The following TRAP1 variants were observed in gnomAD, a reference collection of about 807,000 sequenced individuals.
TRAP1 encodes heat shock protein 75 kDa, mitochondrial.
In TRAP1, 102 loss-of-function variants were observed where a neutral mutation model predicts 89.1. That is an observed-to-expected ratio of 1.15 (90% CI 0.98 to 1.35). The LOEUF (loss-of-function observed/expected upper bound fraction) is 1.35, where lower values mean the gene tolerates loss of function less well. TRAP1 is among the 40% of genes most tolerant of loss of function. The pLI, the probability that TRAP1 is intolerant of heterozygous loss-of-function variation, is 0.00. For missense variants in TRAP1, 1,256 were observed against 945.3 expected (o/e 1.33, Z -4.31); for synonymous variants, 508 against 388.0 (o/e 1.31, Z -3.64).
intron 12 of TRAP1, 130 bp downstream of exon 12, chr16:3,665,841 G>C: frequency 8.3e-7 from 1 of 1,199,998 alleles, no homozygotes; most frequent in Admixed American, 2.9e-5. Flanking sequence ...CCTGACCCTG[G>C]TGGCAGCAGC....
At position 3,675,449 on chromosome 16, in the gene TRAP1, G is replaced by A. The variant is rs755455343; in HGVS notation, c.815-52C>T. On this transcript the variant is annotated intron_variant, in intron 7 of 17. Coordinates refer to ENST00000246957, the MANE Select transcript of TRAP1 (RefSeq NM_016292.3). ...CTGCATCTACAATGCTTGTGGAAACGCAAGCTTTGCAGCAGCTCCAGGATG... is the reference window on the plus strand; with the variant it reads ...CTGCATCTACAATGCTTGTGGAAACACAAGCTTTGCAGCAGCTCCAGGATG... The A allele has an allele frequency of 2.2e-5, 34 of 1,560,198 alleles. 1 individual carries two copies. The South Asian group carries it at 2.3e-4, about 11-fold the overall frequency.
At chr16:3,661,873 A>G (rs982102020) in intron 16 of TRAP1, 114 bp downstream of exon 16, 2 of 1,344,596 alleles carry the variant, frequency 1.5e-6, no homozygotes, top group South Asian at 1.6e-5. Flanking sequence ...AGTTACCCAC[A>G]TGTCCACAGG....
rs2151254415 is a variant in TRAP1, at chr16:3,674,392, A to AGG, written c.990_991insCC (p.Tyr331ProfsTer19). On this transcript the variant is annotated frameshift_variant, in exon 9 of 18. Transcript: ENST00000246957. LOFTEE classifies it high-confidence loss of function. The stretch of plus-strand genomic sequence containing the variant: ...ATGTTGAGCGGTGCGTCCGTCTTAT[A>AGG]GTGCAGGGTGTAGCGGGGCTTGTCG... 2.5e-6 allele frequency: 4 copies of AGG among 1,614,122 alleles called. No homozygotes were observed. The South Asian group carries it at 4.4e-5, about 18-fold the overall frequency.
At chr16:3,716,229 C>T (rs1447586881) in intron 1 of TRAP1, among the ~76,000 whole-genome samples, 4 of 152,196 alleles carry the variant, frequency 2.6e-5, no homozygotes, top group African/African-American at 9.6e-5. Flanking sequence ...TTGGAATAGG[C>T]AGTCTTGATG....
At chr16:3,679,036 G>T (rs1023151229) in intron 5 of TRAP1, among the ~76,000 whole-genome samples, 4 of 152,304 alleles carry the variant, frequency 2.6e-5, no homozygotes, top group Admixed American at 2.6e-4. Flanking sequence ...TGCTCTGTGG[G>T]TCTGGGCATA....
intron 1 of TRAP1, chr16:3,710,531 G>A (rs999840986): frequency 2.0e-5 from 3 of 152,160 alleles, no homozygotes; most frequent in Non-Finnish European, 2.9e-5. Context: ...GTTCAGTCAT[G>A]GGCCATCAAA....
At position 3,688,473 on chromosome 16, in the gene TRAP1, C is replaced by T. The variant is rs75099913; in HGVS notation, c.330+582G>A. ...AGAGACGGAATTCAGCAGAGCTGCACGCTAGGATTTGGGGGACTTTTTTTT... is the reference window on the plus strand; with the variant it reads ...AGAGACGGAATTCAGCAGAGCTGCATGCTAGGATTTGGGGGACTTTTTTTT... On this transcript the variant is annotated intron_variant, in intron 3 of 17. Transcript: ENST00000246957. Among the ~76,000 whole-genome samples, 596 of 152,128 alleles carry T rather than the reference C, an allele frequency of 3.9e-3. 4 individuals carry two copies. Among genetic ancestry groups the T allele is most frequent in the African/African-American group, 0.013 (556 of 41,504 alleles).
chr16:3,691,109 G>A, intron 1 of TRAP1, 124 bp from the exon 2 acceptor site: 1 of 944,392 alleles, frequency 1.1e-6, no homozygotes, highest in Non-Finnish European at 1.4e-6. Flanking sequence ...GGCTGTTGCT[G>A]AAAGAGAAAT....
At chr16:3,705,812 T>G (rs2051434877) in intron 1 of TRAP1, among the ~76,000 whole-genome samples, 1 of 151,966 alleles carries the variant, frequency 6.6e-6, no homozygotes, top group South Asian at 2.1e-4. Context: ...CCCGAGTAGC[T>G]GAGATTACAG....
chr16:3,688,254 G>C (rs1306983679), intron 3 of TRAP1, among the ~76,000 whole-genome samples: 6 of 151,674 alleles, frequency 4.0e-5, no homozygotes, highest in African/African-American at 1.5e-4. Flanking sequence ...TCCTACCTTG[G>C]CCTCCTAAAG....
intron 6 of TRAP1, among the ~76,000 whole-genome samples, chr16:3,677,182 G>A (rs751350640): frequency 2.6e-4 from 40 of 152,112 alleles, no homozygotes; most frequent in Non-Finnish European, 4.0e-4. Flanking sequence ...GCAGAAGGTC[G>A]GTCACAGGAG....
At chr16:3,709,628 C>G (rs1365424268) in intron 1 of TRAP1, among the ~76,000 whole-genome samples, 1 of 151,032 alleles carries the variant, frequency 6.6e-6, no homozygotes, top group African/African-American at 2.5e-5. Context: ...CGGTTCCTTC[C>G]CAGTTTACCT....
rs376428635 is a variant in TRAP1, at chr16:3,665,927, G to C, written c.1383+44C>G. 6 of 1,591,652 alleles carry C rather than the reference G, an allele frequency of 3.8e-6. No homozygotes were observed. The African/African-American group carries it at 6.8e-5, about 18-fold the overall frequency. ...CCACCAGCTTCCTCAGCAGCCCCAGGGACAAGGTGGCCCAGAAAAAGGCCT... is the reference window on the plus strand; with the variant it reads ...CCACCAGCTTCCTCAGCAGCCCCAGCGACAAGGTGGCCCAGAAAAAGGCCT... On this transcript the variant is annotated intron_variant, in intron 12 of 17. Coordinates refer to ENST00000246957, the MANE Select transcript of TRAP1 (RefSeq NM_016292.3).
At chr16:3,691,375 C>A (rs1393899629) in intron 1 of TRAP1, among the ~76,000 whole-genome samples, 1 of 152,172 alleles carries the variant, frequency 6.6e-6, no homozygotes, top group African/African-American at 2.4e-5. Context: ...GACCACCATG[C>A]CCCCATAATT....
intron 1 of TRAP1, among the ~76,000 whole-genome samples, chr16:3,710,007 T>C (rs931176582): frequency 2.6e-5 from 4 of 152,228 alleles, no homozygotes; most frequent in African/African-American, 9.6e-5. Context: ...CCCTCACAAA[T>C]GTCTGAGTTC....
At chr16:3,672,678 T>C (rs1454611299) in intron 10 of TRAP1, 22 bp downstream of exon 10, 8 of 1,599,364 alleles carry the variant, frequency 5.0e-6, no homozygotes, top group Non-Finnish European at 6.0e-6. Context: ...GGGGCACTGC[T>C]CACGGACTCT....
intron 10 of TRAP1, among the ~76,000 whole-genome samples, chr16:3,672,409 A>T (rs541731316): frequency 2.0e-5 from 3 of 152,106 alleles, no homozygotes; most frequent in African/African-American, 4.8e-5. Context: ...CTTAAACTAT[A>T]ATCTCACTCA....
In TRAP1 at chr16:3,686,219, C is replaced by G. The variant is rs1596727724; in HGVS notation, c.331-83G>C. The G allele has an allele frequency of 6.0e-6, 9 of 1,487,648 alleles. No individual in the cohort carries two copies. The East Asian group carries it at 2.1e-4, about 34-fold the overall frequency. 92.2% of individuals were successfully genotyped at this position (1,487,648 alleles called of 1,614,324 possible). On this transcript the variant is annotated intron_variant, in intron 3 of 17. Transcript: ENST00000246957. The stretch of plus-strand genomic sequence containing the variant: ...ATCTGGTCAGCTGCACTTCCAATAA[C>G]TGTTAAAAGGTAGAGGAGAATAGTC...
intron 4 of TRAP1, among the ~76,000 whole-genome samples, chr16:3,682,538 CGCTGCCA>C (rs2051086350): frequency 6.6e-6 from 1 of 152,074 alleles, no homozygotes; most frequent in African/African-American, 2.4e-5. Context: ...TACCGGCACA[CGCTGCCA>C]CACCCAGCTA....
Sources: gnomAD v4.1 joint callset for allele counts (sites outside exome capture counted in the v4.1 genomes callset) on GRCh38, gnomAD v4.1.1 for gene constraint, MANE v1.5 for transcripts, NCBI Gene and HGNC (gene_info 2026-07-23, HGNC 2026-07-21) for gene names.